IL7: variants seen among roughly 807,000 people sequenced by gnomAD.
IL7 encodes interleukin-7.
IL7 carries 3 observed loss-of-function variants against 21.6 expected under a neutral mutation model. The ratio of observed to expected loss-of-function variants is 0.14; its 90% CI spans 0.06 to 0.36. IL7 has a LOEUF of 0.36. Ranked by LOEUF, IL7 falls within the 10% of genes least tolerant of loss-of-function variation. The pLI, the probability that IL7 is intolerant of heterozygous loss-of-function variation, is 1.00. For synonymous variants in IL7, 62 were observed against 68.1 expected, an observed-to-expected ratio of 0.91 and a Z score of 0.44; for missense variants, 175 against 200.2, an observed-to-expected ratio of 0.87 and a Z score of 0.76.
intron 2 of IL7, among the ~76,000 whole-genome samples, chr8:78,766,516 A>G (rs1812757660): frequency 6.6e-6 from 1 of 152,088 alleles, no homozygotes; most frequent in Non-Finnish European, 1.5e-5. Context: ...ACATGCATAT[A>G]TAGGGTTTTA....
downstream of IL7, chr8:78,675,683 C>A: frequency 1.8e-6 from 2 of 1,099,454 alleles, no homozygotes; most frequent in Non-Finnish European, 2.6e-6. Context: ...ACATTTTTCA[C>A]AAAAACTGAT....
At chr8:78,759,721 T>C (rs1200998362) in intron 2 of IL7, among the ~76,000 whole-genome samples, 2 of 152,210 alleles carry the variant, frequency 1.3e-5, no homozygotes, top group Non-Finnish European at 2.9e-5. Flanking sequence ...TACTTAAAAC[T>C]CCTATTAGTC....
At position 78,756,442 on chromosome 8, in the gene IL7, G is replaced by A. The variant is rs143351257; in HGVS notation, c.148-16360C>T. On this transcript the variant is annotated intron_variant, in intron 2 of 5. Transcript: ENST00000263851. ...GTAGAACTCAGAAATAAAGCCATCTGGTCCTGGGCTTTTCTTTTTTGGGAG... is the reference window on the plus strand; with the variant it reads ...GTAGAACTCAGAAATAAAGCCATCTAGTCCTGGGCTTTTCTTTTTTGGGAG... Among the ~76,000 whole-genome samples, 142 of 151,958 alleles carry A rather than the reference G, an allele frequency of 9.3e-4. 4 individuals are homozygous for A. In the East Asian group the frequency reaches 0.021, roughly 23 times the overall value.
chr8:78,773,506 G>A (rs1340697687), intron 2 of IL7, among the ~76,000 whole-genome samples: 2 of 152,108 alleles, frequency 1.3e-5, no homozygotes, highest in Non-Finnish European at 2.9e-5. Flanking sequence ...AGGCACTGAG[G>A]TACAAAAATG....
Position 78,720,334 on chromosome 8 carries a change from G to C in IL7, n.476+686C>G, listed in dbSNP as rs141713006. Among the ~76,000 whole-genome samples, 5 of 151,812 alleles carry C rather than the reference G, an allele frequency of 3.3e-5. No individual in the cohort carries two copies. In the East Asian group the frequency reaches 9.7e-4, roughly 29 times the overall value. ...TATTTTACATGGTAAGTATTTTTTA[G>C]TATTGAGGTACGTTGATTTTTTTCA... On this transcript the variant is annotated intron_variant and non_coding_transcript_variant, in intron 5 of 6. Transcript: ENST00000519833.
chr8:78,689,128 A>G (rs1810123383), intron 3 of IL7: 4 of 927,034 alleles, frequency 4.3e-6, no homozygotes, highest in Non-Finnish European at 4.4e-6. Flanking sequence ...GTTATTACTT[A>G]TATTTTTTGA....
intron 1 of IL7, 69 bp from the exon 2 acceptor site, chr8:78,798,277 T>C: frequency 1.9e-6 from 2 of 1,068,376 alleles, no homozygotes; most frequent in Non-Finnish European, 2.7e-6. Flanking sequence ...GGGGTTTCAA[T>C]GGACTGGACC....
At chr8:78,733,914 C>CTT in intron 5 of IL7, 82 bp from the exon 6 acceptor site, 1 of 948,858 alleles carries the variant, frequency 1.1e-6, no homozygotes, top group African/African-American at 1.7e-5. Flanking sequence ...CATCATATTA[C>CTT]TTTATACTGA....
chr8:78,740,832 CAT>C (rs1413062210), intron 2 of IL7, among the ~76,000 whole-genome samples: 1 of 151,798 alleles, frequency 6.6e-6, no homozygotes, highest in Non-Finnish European at 1.5e-5. Flanking sequence ...GTATTATAAA[CAT>C]AGGAGTGAGA....
chr8:78,780,541 T>G (rs1033430824), intron 2 of IL7, among the ~76,000 whole-genome samples: 3 of 152,154 alleles, frequency 2.0e-5, no homozygotes, highest in African/African-American at 7.2e-5. Flanking sequence ...TTGTATGCTT[T>G]TGAGTGAGTT....
In IL7 at chr8:78,733,695, A is replaced by G. The variant is rs760276221; in HGVS notation, c.*18T>C. On this transcript the variant is annotated 3_prime_UTR_variant, in exon 6 of 6. Transcript: ENST00000263851. Reference sequence around the variant, plus strand: ...ATGCAGCTAAAGTTCGTGTTTCTATATTGCCACTCCATATTTTTCAGTGTT... The same window carrying G: ...ATGCAGCTAAAGTTCGTGTTTCTATGTTGCCACTCCATATTTTTCAGTGTT... The G allele has an allele frequency of 1.9e-6, 3 of 1,593,308 alleles. No individual in the cohort carries two copies. The highest frequency in any genetic ancestry group is 2.6e-6 in the Non-Finnish European group (3 of 1,172,620).
intron 2 of IL7, among the ~76,000 whole-genome samples, chr8:78,770,034 T>A (rs1812898553): frequency 6.6e-6 from 1 of 151,974 alleles, no homozygotes; most frequent in Non-Finnish European, 1.5e-5. Flanking sequence ...AAAAAATAAT[T>A]CAAGATGGAT....
intron 3 of IL7, chr8:78,689,387 T>A: frequency 6.4e-7 from 1 of 1,550,692 alleles, no homozygotes; most frequent in Non-Finnish European, 8.7e-7. Context: ...AGTTCAGTTT[T>A]AATAATTGCT....
intron 2 of IL7, among the ~76,000 whole-genome samples, chr8:78,765,420 C>CA (rs1341002889): frequency 6.6e-6 from 1 of 151,936 alleles, no homozygotes; most frequent in East Asian, 1.9e-4. Flanking sequence ...AAAATATTTA[C>CA]AAAAGACATA....
intron 3 of IL7, among the ~76,000 whole-genome samples, chr8:78,705,876 G>A (rs1338734286): frequency 6.6e-6 from 1 of 152,034 alleles, no homozygotes; most frequent in Non-Finnish European, 1.5e-5. Context: ...TCCTAGAGCA[G>A]CTGTGTTGTG....
chr8:78,689,719 C>G (rs1231977349), intron 3 of IL7, among the ~76,000 whole-genome samples: 1 of 151,936 alleles, frequency 6.6e-6, no homozygotes, highest in Non-Finnish European at 1.5e-5. Flanking sequence ...TTGGTCTTTT[C>G]TCAGATGTAT....
chr8:78,766,470 G>A (rs1563426954), intron 2 of IL7, among the ~76,000 whole-genome samples: 1 of 152,072 alleles, frequency 6.6e-6, no homozygotes, highest in South Asian at 2.1e-4. Context: ...ATGCCTATGC[G>A]TGTTAGGTCT....
chr8:78,683,251 A>G (rs1208867041), intron 4 of IL7, among the ~76,000 whole-genome samples: 1 of 152,192 alleles, frequency 6.6e-6, no homozygotes, highest in African/African-American at 2.4e-5. Flanking sequence ...GTGGACTCCA[A>G]TCTCTTATTT....
intron 2 of IL7, among the ~76,000 whole-genome samples, chr8:78,795,073 T>C (rs929373676): frequency 6.6e-6 from 1 of 152,098 alleles, no homozygotes; most frequent in African/African-American, 2.4e-5. Context: ...TGGATAACCC[T>C]GGGCCTCAGA....
Sources: gnomAD v4.1 joint callset for allele counts (sites outside exome capture counted in the v4.1 genomes callset) on GRCh38, gnomAD v4.1.1 for gene constraint, MANE v1.5 for transcripts, NCBI Gene and HGNC (gene_info 2026-07-23, HGNC 2026-07-21) for gene names.